Variants in PTGER3 observed in about 807,000 individuals in gnomAD.
PTGER3 encodes the protein prostaglandin E2 receptor EP3 subtype.
A neutral mutation model predicts 34.7 loss-of-function variants in PTGER3; 22 were observed. That is an observed-to-expected ratio of 0.63 (90% confidence interval 0.45 to 0.91). PTGER3 has a LOEUF of 0.91. Among genes scored for constraint, PTGER3 ranks in the 40% least tolerant of loss-of-function variants. The pLI, the probability that PTGER3 is intolerant of heterozygous loss-of-function variation, is 0.00. For missense variants in PTGER3, 468 were observed against 519.4 expected (o/e 0.90, Z 0.96); for synonymous variants, 241 against 230.1 (o/e 1.05, Z -0.43).
intron 4 of PTGER3, among the ~76,000 whole-genome samples, chr1:70,909,916 A>G (rs991621933): frequency 6.6e-6 from 1 of 152,218 alleles, no homozygotes; most frequent in African/African-American, 2.4e-5. Flanking sequence ...TTACTTAATC[A>G]CTTACCCACT....
intron 4 of PTGER3, among the ~76,000 whole-genome samples, chr1:70,895,482 A>G (rs1646705184): frequency 6.6e-6 from 1 of 152,246 alleles, no homozygotes; most frequent in Non-Finnish European, 1.5e-5. Flanking sequence ...AATCATTTAC[A>G]TAAAATCCAG....
At chr1:70,880,215 G>A (rs1338051370) in intron 4 of PTGER3, among the ~76,000 whole-genome samples, 1 of 152,066 alleles carries the variant, frequency 6.6e-6, no homozygotes, top group Non-Finnish European at 1.5e-5. Context: ...TGCTTTTGTG[G>A]TGGCTGGTAA....
chr1:71,011,401 A>C (rs538964007), intron 2 of PTGER3: 1 of 985,194 alleles, frequency 1.0e-6, no homozygotes, highest in African/African-American at 1.7e-5. Flanking sequence ...TAATCAAGGG[A>C]AATATATATT....
chr1:70,874,578 C>T (rs1464042004), intron 4 of PTGER3, among the ~76,000 whole-genome samples: 1 of 152,126 alleles, frequency 6.6e-6, no homozygotes, highest in Non-Finnish European at 1.5e-5. Flanking sequence ...GTTCTTGCCT[C>T]ACAACTTGTC....
At chr1:71,041,598 T>C (rs1660317791) in intron 1 of PTGER3, among the ~76,000 whole-genome samples, 2 of 152,186 alleles carry the variant, frequency 1.3e-5, no homozygotes, top group Admixed American at 1.3e-4. Context: ...TTATGAAAGT[T>C]GGAAGTTTCT....
intron 2 of PTGER3, among the ~76,000 whole-genome samples, chr1:70,984,566 T>C (rs1654726819): frequency 6.6e-6 from 1 of 151,936 alleles, no homozygotes; most frequent in Non-Finnish European, 1.5e-5. Flanking sequence ...AAGAAAGTTT[T>C]AAATTAGTCA....
chr1:70,990,817 C>T (rs182179511), intron 2 of PTGER3, among the ~76,000 whole-genome samples: 106 of 152,128 alleles, frequency 7.0e-4, no homozygotes, highest in Middle Eastern at 3.4e-3. Flanking sequence ...TGTACCACTC[C>T]ACAATCATAT....
At chr1:70,944,539 AT>A (rs1286511671) in intron 4 of PTGER3, among the ~76,000 whole-genome samples, 1 of 152,128 alleles carries the variant, frequency 6.6e-6, no homozygotes, top group Non-Finnish European at 1.5e-5. Flanking sequence ...TCATCAATAA[AT>A]GTCATTTTTT....
At position 71,004,056 on chromosome 1, in the gene PTGER3, A is replaced by G. The variant is rs1041733221; in HGVS notation, c.1077+8249T>C. Among the ~76,000 whole-genome samples the G allele has an allele frequency of 2.6e-5, 4 of 152,314 alleles. No homozygotes were observed. In the East Asian group the frequency reaches 5.8e-4, roughly 22 times the overall value. ...TTAAATATCACTTAAAACAGCCTCA[A>G]TTGTGGATTTCAGAATTATTTTCTC... On this transcript the variant is annotated intron_variant, in intron 2 of 3. Transcript: ENST00000306666.
At chr1:70,886,802 T>A (rs1029029586) in intron 4 of PTGER3, among the ~76,000 whole-genome samples, 9 of 152,206 alleles carry the variant, frequency 5.9e-5, no homozygotes, top group African/African-American at 2.2e-4. Context: ...ATAAATATGG[T>A]TGAATTCATG....
intron 4 of PTGER3, among the ~76,000 whole-genome samples, chr1:70,897,016 C>T (rs1257768126): frequency 6.6e-6 from 1 of 152,118 alleles, no homozygotes; most frequent in Non-Finnish European, 1.5e-5. Flanking sequence ...TGCCTCCACC[C>T]ATGGATCCGA....
chr1:70,919,191 C>T (rs1433332738), intron 4 of PTGER3, among the ~76,000 whole-genome samples: 1 of 152,132 alleles, frequency 6.6e-6, no homozygotes, highest in Non-Finnish European at 1.5e-5. Context: ...CCAACTTTGT[C>T]CAGCAATTTA....
chr1:70,916,529 A>G (rs937407822), intron 4 of PTGER3, among the ~76,000 whole-genome samples: 3 of 152,076 alleles, frequency 2.0e-5, no homozygotes, highest in African/African-American at 7.2e-5. Context: ...ATACATATAT[A>G]CCATAAGATA....
At chr1:71,025,497 T>C (rs12139719) in intron 1 of PTGER3, among the ~76,000 whole-genome samples, 56,781 of 151,912 alleles carry the variant, frequency 0.37, 11,524 homozygotes, top group South Asian at 0.47. Context: ...AATGAGGATA[T>C]CATCAAATTT....
At chr1:71,042,836 T>C (rs1202139614) in intron 1 of PTGER3, among the ~76,000 whole-genome samples, 4 of 152,198 alleles carry the variant, frequency 2.6e-5, no homozygotes, top group Non-Finnish European at 4.4e-5. Flanking sequence ...AACATCTCTG[T>C]ATTTGTGGAT....
intron 4 of PTGER3, among the ~76,000 whole-genome samples, chr1:70,883,479 C>T (rs1342180437): frequency 6.6e-6 from 1 of 152,084 alleles, no homozygotes; most frequent in African/African-American, 2.4e-5. Flanking sequence ...TTCCCAAGAA[C>T]TTAAGTCACT....
intron 2 of PTGER3, among the ~76,000 whole-genome samples, chr1:70,981,397 TTCCTTCCTTCC>T (rs1557709277): frequency 7.0e-4 from 63 of 89,476 alleles, no homozygotes; most frequent in African/African-American, 2.5e-3. Flanking sequence ...CTTTCTTTCC[TTCCTTCCTTCC>T]TTCCTTCCTT....
chr1:70,987,860 A>T (rs1655066312), intron 2 of PTGER3, among the ~76,000 whole-genome samples: 1 of 152,216 alleles, frequency 6.6e-6, no homozygotes, highest in Admixed American at 6.5e-5. Context: ...TTTAGCACTC[A>T]TTGATTACAT....
At chr1:70,888,909 T>C (rs2100260798) in intron 4 of PTGER3, among the ~76,000 whole-genome samples, 1 of 152,298 alleles carries the variant, frequency 6.6e-6, no homozygotes, top group African/African-American at 2.4e-5. Flanking sequence ...ATAATGTGCA[T>C]AACAATTTGC....
Sources: gnomAD v4.1 joint callset for allele counts (sites outside exome capture counted in the v4.1 genomes callset) on GRCh38, gnomAD v4.1.1 for gene constraint, MANE v1.5 for transcripts, NCBI Gene and HGNC (gene_info 2026-07-23, HGNC 2026-07-21) for gene names.